Variants in SLIT3 observed in about 807,000 individuals in gnomAD.
SLIT3 encodes the protein slit homolog 3 protein.
Under a neutral mutation model 184.0 loss-of-function variants are expected in SLIT3, and 68 were observed. The ratio of observed to expected loss-of-function variants is 0.37; its 90% CI spans 0.30 to 0.45. SLIT3 has a LOEUF of 0.45. Among genes scored for constraint, SLIT3 ranks in the 20% least tolerant of loss-of-function variants. The pLI, the probability that SLIT3 is intolerant of heterozygous loss-of-function variation, is 1.00. For synonymous variants in SLIT3, 831 were observed against 828.6 expected, an observed-to-expected ratio of 1.00 and a Z score of -0.05; for missense variants, 1,707 against 2,026.0, an observed-to-expected ratio of 0.84 and a Z score of 3.02.
intron 4 of SLIT3, among the ~76,000 whole-genome samples, chr5:169,066,629 G>T (rs993041991): frequency 4.6e-5 from 7 of 152,184 alleles, no homozygotes; most frequent in African/African-American, 1.4e-4. Flanking sequence ...AAGGCAATTT[G>T]GTACTATATA....
At chr5:168,700,095 C>G (rs1428795603) in intron 27 of SLIT3, among the ~76,000 whole-genome samples, 3 of 152,230 alleles carry the variant, frequency 2.0e-5, no homozygotes, top group Non-Finnish European at 4.4e-5. Context: ...TGCGAAGAGC[C>G]TTGAGATCAT....
At chr5:168,860,817 T>TGC (rs1221120190) in intron 5 of SLIT3, among the ~76,000 whole-genome samples, 3 of 152,226 alleles carry the variant, frequency 2.0e-5, no homozygotes, top group Non-Finnish European at 1.5e-5. Context: ...TGCCCTGCCT[T>TGC]GCCTTTCCTA....
intron 4 of SLIT3, among the ~76,000 whole-genome samples, chr5:168,978,705 T>C (rs1003742791): frequency 1.4e-4 from 21 of 152,188 alleles, no homozygotes; most frequent in Admixed American, 2.6e-4. Flanking sequence ...GGATGACAGA[T>C]TCAGACCAGA....
chr5:169,169,041 G>T (rs935707330), intron 4 of SLIT3, among the ~76,000 whole-genome samples: 2 of 152,120 alleles, frequency 1.3e-5, no homozygotes, highest in African/African-American at 2.4e-5. Context: ...CCAGAGTGGG[G>T]GGGGGATCAC....
Position 168,835,590 on chromosome 5 carries a change from C to A in SLIT3, c.557+8994G>T, listed in dbSNP as rs187798880. 1.3e-3 allele frequency among the ~76,000 whole-genome samples: 201 copies of A among 152,108 alleles called. 1 individual carries two copies. The highest frequency in any genetic ancestry group is 4.6e-3 in the African/African-American group (191 of 41,492). ...TTGGGAGGCCGAGGTGGGCAGATCA[C>A]TTGAGGTCAGGAGTTCGAGACCAGA... On this transcript the variant is annotated intron_variant, in intron 6 of 35. Transcript: ENST00000519560.
At chr5:169,200,242 G>A (rs1763869617) in intron 3 of SLIT3, among the ~76,000 whole-genome samples, 1 of 152,206 alleles carries the variant, frequency 6.6e-6, no homozygotes, top group African/African-American at 2.4e-5. Flanking sequence ...AGGGAGCTGT[G>A]GGCTGTCAGC....
At chr5:168,926,692 GGACTTGGATAGACTTTTCTACGAAGAA>G (rs34381116) in intron 4 of SLIT3, among the ~76,000 whole-genome samples, 41,266 of 151,008 alleles carry the variant, frequency 0.27, 6,222 homozygotes, top group African/African-American at 0.42. Context: ...AATGGGTAAA[GGACTTGGATAGACTTTTCTACGAAGAA>G]GACTTGGATA....
In SLIT3 at chr5:168,666,371, G is replaced by T; in HGVS notation, c.*83C>A. The T allele has an allele frequency of 7.6e-7, 1 of 1,307,924 alleles. No individual in the cohort carries two copies. Among genetic ancestry groups the T allele is most frequent in the South Asian group, 1.8e-5 (1 of 56,512 alleles). 81.0% of individuals were successfully genotyped at this position (1,307,924 alleles called of 1,614,324 possible). ...TCCTCTCCAGCTTCATTTCCTTCAT[G>T]CTGAATCACCAGGGGGTCCCACATG... On this transcript the variant is annotated 3_prime_UTR_variant, in exon 36 of 36. Coordinates refer to ENST00000519560, the MANE Select transcript of SLIT3 (RefSeq NM_003062.4).
intron 7 of SLIT3, among the ~76,000 whole-genome samples, chr5:168,818,275 T>C (rs1757406256): frequency 6.6e-6 from 1 of 152,338 alleles, no homozygotes; most frequent in Non-Finnish European, 1.5e-5. Context: ...CTGGTAGTTG[T>C]GGTTCCGGAT....
chr5:168,894,633 AGG>A (rs1270729827), intron 4 of SLIT3, among the ~76,000 whole-genome samples: 3 of 152,226 alleles, frequency 2.0e-5, no homozygotes, highest in African/African-American at 7.2e-5. Flanking sequence ...AGCTAAGCTG[AGG>A]CGTGGGAATG....
chr5:168,685,957 A>G, intron 30 of SLIT3, 30 bp from the exon 31 acceptor site: 1 of 1,583,446 alleles, frequency 6.3e-7, no homozygotes, highest in Non-Finnish European at 8.6e-7. Context: ...GGGGAGGGAG[A>G]TAGGAGAATG....
At chr5:169,084,962 C>A (rs1439565646) in intron 4 of SLIT3, among the ~76,000 whole-genome samples, 1 of 152,210 alleles carries the variant, frequency 6.6e-6, no homozygotes, top group African/African-American at 2.4e-5. Flanking sequence ...ACCCGTGTCT[C>A]CCAGCAGGAG....
rs1754986670 is a variant in SLIT3, at chr5:168,982,618, CTT to C, written c.414-99284_414-99283del. 2.0e-5 allele frequency among the ~76,000 whole-genome samples: 3 copies of C among 152,284 alleles called. No homozygotes were observed. The South Asian group carries it at 6.2e-4, about 32-fold the overall frequency. ...AATGTATTAGTCTATAGGTTGCAGT[CTT>C]TTAAGAAAAAAATCCATCTCCACAC... On this transcript the variant is annotated intron_variant, in intron 4 of 35. Coordinates refer to ENST00000519560, the MANE Select transcript of SLIT3 (RefSeq NM_003062.4).
At chr5:169,265,153 T>C (rs967667568) in intron 1 of SLIT3, among the ~76,000 whole-genome samples, 2 of 120,518 alleles carry the variant, frequency 1.7e-5, no homozygotes, top group Admixed American at 1.7e-4. Context: ...AGCTCCATGC[T>C]CAAAAACAAA....
chr5:168,900,615 CAAACA>C (rs141764198), intron 4 of SLIT3, among the ~76,000 whole-genome samples: 204 of 151,956 alleles, frequency 1.3e-3, no homozygotes, highest in African/African-American at 2.7e-3. Flanking sequence ...AACCCTGTCT[CAAACA>C]AAACAAAACA....
chr5:168,811,250 A>C (rs1757147911), intron 8 of SLIT3, among the ~76,000 whole-genome samples: 1 of 152,130 alleles, frequency 6.6e-6, no homozygotes, highest in Non-Finnish European at 1.5e-5. Context: ...CATGTATTCA[A>C]TGTGTACTAT....
rs536405437 is a variant in SLIT3 at position 168,712,303 on chromosome 5, G to A, written c.2535C>T (p.Asp845=). 6.2e-7 allele frequency: 1 copy of A among 1,614,084 alleles called. No individual in the cohort carries two copies. Among genetic ancestry groups the A allele is most frequent in the South Asian group, 1.1e-5 (1 of 91,076 alleles). Residue 845 remains aspartate (D), a synonymous_variant, in exon 24 of 36, where the codon GAC becomes GAT. Transcript: ENST00000519560. ...CTTACAGATGGGAAAGAGATGTGAG[G>A]TCGTTGAAGGAGCCTTCAGGAACGC... ...ISSVPEGSFN[D]LTSLSHLALG... is the part of the protein sequence containing the mutation.
At chr5:168,773,103 C>T (rs540984552) in intron 13 of SLIT3, among the ~76,000 whole-genome samples, 159 bp from the exon 14 acceptor site, 2 of 152,262 alleles carry the variant, frequency 1.3e-5, no homozygotes, top group South Asian at 4.2e-4. Context: ...TCAGACAGGG[C>T]TCAAAGAGGG....
intron 2 of SLIT3, among the ~76,000 whole-genome samples, chr5:169,248,247 C>T (rs1026549885): frequency 3.9e-5 from 6 of 152,078 alleles, no homozygotes; most frequent in Non-Finnish European, 7.4e-5. Context: ...TTGCCCACAC[C>T]GCTAAATAAG....
Sources: gnomAD v4.1 joint callset for allele counts (sites outside exome capture counted in the v4.1 genomes callset) on GRCh38, gnomAD v4.1.1 for gene constraint, MANE v1.5 for transcripts, NCBI Gene and HGNC (gene_info 2026-07-23, HGNC 2026-07-21) for gene names.